The following TLE1 variants were observed in gnomAD, a reference collection of about 807,000 sequenced individuals.
TLE1 encodes TLE family member 1, transcriptional corepressor.
A neutral mutation model predicts 89.8 loss-of-function variants in TLE1; 21 were observed. That is an observed-to-expected ratio of 0.23 (90% CI 0.17 to 0.34). TLE1 has a LOEUF of 0.34. Ranked by LOEUF, TLE1 falls within the 10% of genes least tolerant of loss-of-function variation. The pLI is 1.00. For synonymous variants in TLE1, 447 were observed against 407.6 expected, an observed-to-expected ratio of 1.10 and a Z score of -1.16; for missense variants, 795 against 1,031.2, an observed-to-expected ratio of 0.77 and a Z score of 3.14.
intron 9 of TLE1, among the ~76,000 whole-genome samples, chr9:81,619,065 C>T (rs1046366138): frequency 6.6e-6 from 1 of 152,200 alleles, no homozygotes. Context: ...ACTTACTATA[C>T]ACAACAGCCT....
At chr9:81,637,129 G>A (rs752770151) in intron 6 of TLE1, among the ~76,000 whole-genome samples, 15 of 152,128 alleles carry the variant, frequency 9.9e-5, no homozygotes, top group East Asian at 1.9e-4. Context: ...AGGCTGAGGC[G>A]GGTGTAACAC....
intron 8 of TLE1, among the ~76,000 whole-genome samples, chr9:81,621,509 T>C (rs1016596572): frequency 6.6e-6 from 1 of 152,194 alleles, no homozygotes; most frequent in African/African-American, 2.4e-5. Context: ...CCCCAATCTC[T>C]GAAAGATGTT....
At chr9:81,588,569 C>T (rs1280868291) in intron 16 of TLE1, among the ~76,000 whole-genome samples, 1 of 152,148 alleles carries the variant, frequency 6.6e-6, no homozygotes, top group African/African-American at 2.4e-5. Flanking sequence ...TTTAAAGAAC[C>T]TTGTGCTTCA....
chr9:81,587,358 T>C (rs1828654047), intron 17 of TLE1, among the ~76,000 whole-genome samples: 2 of 152,306 alleles, frequency 1.3e-5, no homozygotes, highest in South Asian at 2.1e-4. Context: ...GGTGAGAATA[T>C]GTGCCACAGA....
chr9:81,661,408 A>G (rs752686736), intron 4 of TLE1, among the ~76,000 whole-genome samples: 2 of 151,990 alleles, frequency 1.3e-5, no homozygotes, highest in Non-Finnish European at 2.9e-5. Flanking sequence ...TTGAAGCTCA[A>G]AACAGGGTGA....
chr9:81,617,639 T>C (rs1371455748), intron 9 of TLE1, among the ~76,000 whole-genome samples: 1 of 152,206 alleles, frequency 6.6e-6, no homozygotes. Context: ...CAGGTGCAGG[T>C]TGCAGTGAGC....
chr9:81,688,461 T>G lies in TLE1; in HGVS notation c.-221A>C. 8.8e-6 allele frequency: 4 copies of G among 453,342 alleles called. No individual in the cohort carries two copies. The highest frequency in any genetic ancestry group is 1.5e-5 in the Non-Finnish European group (4 of 261,406). 28.1% of individuals were successfully genotyped at this position (453,342 alleles called of 1,614,324 possible). ...CGGGCTCCGGCCCTCAGGGCCACAT[T>G]AGTGGGCGCCCCAGGCCCAGCTGCT... On this transcript the variant is annotated 5_prime_UTR_variant, in exon 1 of 20. Coordinates refer to ENST00000376499, the MANE Select transcript of TLE1 (RefSeq NM_005077.5).
intron 14 of TLE1, among the ~76,000 whole-genome samples, chr9:81,601,825 T>C (rs559970440): frequency 4.1e-4 from 63 of 152,100 alleles, no homozygotes; most frequent in Non-Finnish European, 7.5e-4. Context: ...GGATCTCCTT[T>C]AGAAAAGAAT....
rs373511583 is a variant in TLE1, at chr9:81,611,799, G to A, written c.1224C>T (p.Ala408=). The change falls in exon 13 of 20, where the codon GCC becomes GCT. Residue 408 remains alanine (A), a synonymous_variant. Coordinates refer to ENST00000376499, the MANE Select transcript of TLE1 (RefSeq NM_005077.5). ...GGGAGCGCCCGTAGGCCACCACGGC[G>A]GCCGCGGCGGCTGCGGCGCTCATCT... ...SPQMSAAAAA[A]AVVAYGRSPM... 6.1e-5 allele frequency: 94 copies of A among 1,546,436 alleles called. No individual in the cohort carries two copies. The highest frequency in any genetic ancestry group is 6.9e-5 in the Non-Finnish European group (80 of 1,154,180).
intron 6 of TLE1, among the ~76,000 whole-genome samples, chr9:81,639,541 C>T (rs1292915776): frequency 6.7e-6 from 1 of 150,300 alleles, no homozygotes; most frequent in Non-Finnish European, 1.5e-5. Flanking sequence ...ATAGAACACA[C>T]ATGCAAAAGT....
intron 4 of TLE1, among the ~76,000 whole-genome samples, chr9:81,682,754 C>T (rs59954581): frequency 0.019 from 2,891 of 152,260 alleles, 85 homozygotes; most frequent in African/African-American, 0.065. Flanking sequence ...TTCCATGAGA[C>T]ATTGTCTACC....
In TLE1 at chr9:81,689,478, T is replaced by C. The variant is rs377082421; in HGVS notation, c.-1238A>G. On this transcript the variant is annotated 5_prime_UTR_variant, in exon 1 of 20. Transcript: ENST00000376499. ...GGCACAGAGTACCCGCCGCTGTTTCTGCTGCTGCTGCTTCTGCAGCCGCCG... is the reference window on the plus strand; with the variant it reads ...GGCACAGAGTACCCGCCGCTGTTTCCGCTGCTGCTGCTTCTGCAGCCGCCG... Among the ~76,000 whole-genome samples the C allele has an allele frequency of 1.3e-5, 2 of 152,216 alleles. No individual in the cohort carries two copies. Among genetic ancestry groups the C allele is most frequent in the South Asian group, 4.1e-4 (2 of 4,830 alleles).
chr9:81,593,019 A>G lies in TLE1; in HGVS notation c.1581+6T>C. On this transcript the variant is annotated splice_donor_region_variant and intron_variant, in intron 15 of 19. Coordinates refer to ENST00000376499, the MANE Select transcript of TLE1 (RefSeq NM_005077.5). ...TGCCCTTGTGCACCAGTTCCTGTTC[A>G]CTCACCAGACAGTCGAGCTGGGAGA... 2 of 1,610,086 alleles carry G rather than the reference A, an allele frequency of 1.2e-6. No individual in the cohort carries two copies. Among genetic ancestry groups the G allele is most frequent in the Non-Finnish European group, 1.7e-6 (2 of 1,176,760 alleles).
chr9:81,651,098 T>C (rs1293931238), intron 6 of TLE1, among the ~76,000 whole-genome samples: 1 of 152,216 alleles, frequency 6.6e-6, no homozygotes, highest in Non-Finnish European at 1.5e-5. Flanking sequence ...CATTGGACTA[T>C]GGCACTCTTA....
In TLE1 at chr9:81,674,738, G is replaced by A. The variant is rs372820784; in HGVS notation, c.234+10938C>T. ...GCGTTAAATAAAATCTCAAGTGACA[G>A]TTGAGAAAGAAATCACCTAAAAACC... On this transcript the variant is annotated intron_variant, in intron 4 of 19. Transcript: ENST00000376499. 7.2e-5 allele frequency among the ~76,000 whole-genome samples: 11 copies of A among 152,318 alleles called. No individual in the cohort carries two copies. The East Asian group carries it at 2.1e-3, about 29-fold the overall frequency.
At chr9:81,676,233 T>G (rs1832890168) in intron 4 of TLE1, among the ~76,000 whole-genome samples, 1 of 152,052 alleles carries the variant, frequency 6.6e-6, no homozygotes, top group Non-Finnish European at 1.5e-5. Context: ...AAACACAATA[T>G]AATCAATGCC....
At chr9:81,644,763 A>G (rs773709683) in intron 6 of TLE1, among the ~76,000 whole-genome samples, 167 of 151,138 alleles carry the variant, frequency 1.1e-3, no homozygotes, top group Non-Finnish European at 1.8e-3. Context: ...GGAGGCAGAG[A>G]CAGGTGAATC....
chr9:81,669,744 T>G (rs533430173), intron 4 of TLE1, among the ~76,000 whole-genome samples: 47 of 152,190 alleles, frequency 3.1e-4, no homozygotes, highest in Non-Finnish European at 6.3e-4. Context: ...GGCATTTCAA[T>G]CCTTAGATAC....
Position 81,584,321 on chromosome 9 carries a change from A to G in TLE1, c.2206-16T>C. On this transcript the variant is annotated splice_polypyrimidine_tract_variant and intron_variant, in intron 19 of 19. Coordinates refer to ENST00000376499, the MANE Select transcript of TLE1 (RefSeq NM_005077.5). ...ACTCTTTGGACTGGAAGAGAAAACA[A>G]TGGACATGTGTTTAATGTGGAACAA... 6.2e-7 allele frequency: 1 copy of G among 1,612,622 alleles called. No homozygotes were observed. Among genetic ancestry groups the G allele is most frequent in the Non-Finnish European group, 8.5e-7 (1 of 1,178,622 alleles).
Sources: gnomAD v4.1 joint callset for allele counts (sites outside exome capture counted in the v4.1 genomes callset) on GRCh38, gnomAD v4.1.1 for gene constraint, MANE v1.5 for transcripts, NCBI Gene and HGNC (gene_info 2026-07-23, HGNC 2026-07-21) for gene names.